Variants in AKAP6 observed in about 807,000 individuals in gnomAD.
AKAP6 encodes the protein A-kinase anchoring protein 6.
Under a neutral mutation model 188.5 loss-of-function variants are expected in AKAP6, and 58 were observed. The observed-to-expected ratio is 0.31, with a 90% confidence interval of 0.25 to 0.38. The LOEUF is 0.38. Ranked by LOEUF, AKAP6 falls within the 10% of genes least tolerant of loss-of-function variation. The pLI is 1.00. For missense variants in AKAP6, 2,710 were observed against 2,740.0 expected, an observed-to-expected ratio of 0.99 and a Z score of 0.24; for synonymous variants, 989 against 998.6, an observed-to-expected ratio of 0.99 and a Z score of 0.18.
chr14:32,524,970 A>G (rs993748814), intron 2 of AKAP6, among the ~76,000 whole-genome samples: 3 of 152,180 alleles, frequency 2.0e-5, no homozygotes, highest in African/African-American at 7.2e-5. Context: ...CAAGGTAAGA[A>G]CCACCACTGT....
At chr14:32,718,837 T>G (rs1281112329) in intron 9 of AKAP6, among the ~76,000 whole-genome samples, 1 of 152,184 alleles carries the variant, frequency 6.6e-6, no homozygotes, top group Admixed American at 6.5e-5. Context: ...TGGACTTTCT[T>G]TTGGGAGAAA....
chr14:32,719,162 C>CA (rs3837677), intron 9 of AKAP6, among the ~76,000 whole-genome samples: 7 of 150,416 alleles, frequency 4.7e-5, no homozygotes, highest in Admixed American at 4.0e-4. Flanking sequence ...AATACTCTGC[C>CA]AAAAAAAAAG....
intron 11 of AKAP6, among the ~76,000 whole-genome samples, chr14:32,744,469 A>G (rs903563190): frequency 6.6e-6 from 1 of 152,016 alleles, no homozygotes; most frequent in Admixed American, 6.6e-5. Context: ...GGCACCCGCC[A>G]CCACACCCAG....
chr14:32,585,829 G>A (rs1378142295), intron 5 of AKAP6, among the ~76,000 whole-genome samples: 2 of 152,056 alleles, frequency 1.3e-5, no homozygotes, highest in Non-Finnish European at 2.9e-5. Flanking sequence ...ATGGGAGATG[G>A]GAGGAAAATT....
chr14:32,572,671 A>G (rs1009783309), intron 4 of AKAP6, among the ~76,000 whole-genome samples: 3 of 152,238 alleles, frequency 2.0e-5, no homozygotes, highest in African/African-American at 7.2e-5. Context: ...TGTGAAAATC[A>G]TCTTCAAGTG....
intron 2 of AKAP6, among the ~76,000 whole-genome samples, chr14:32,447,130 C>T (rs943753316): frequency 3.9e-5 from 6 of 152,186 alleles, no homozygotes; most frequent in African/African-American, 4.8e-5. Context: ...CAACTCGTCT[C>T]TCTACTTAAA....
intron 7 of AKAP6, among the ~76,000 whole-genome samples, chr14:32,661,609 G>A (rs141041114): frequency 7.9e-5 from 12 of 152,046 alleles, no homozygotes; most frequent in Admixed American, 2.0e-4. Context: ...GCCATACCCC[G>A]GCTCTTTTAG....
intron 8 of AKAP6, among the ~76,000 whole-genome samples, chr14:32,680,165 T>G (rs1889614260): frequency 6.6e-6 from 1 of 152,168 alleles, no homozygotes; most frequent in Non-Finnish European, 1.5e-5. Context: ...GTAGGTGAAC[T>G]TGCCTGATAT....
rs1258626195 is a variant in AKAP6 at position 32,834,484 on chromosome 14, T to G, written c.*4679T>G. 1 of 151,920 alleles carries G rather than the reference T, an allele frequency of 6.6e-6. No homozygotes were observed. 9.4% of individuals were successfully genotyped at this position (151,920 alleles called of 1,614,324 possible). ...ATGTCCTCTTATAGTTGTTTTTGTT[T>G]TAATACAGTATTCAAACAAAGATCA... On this transcript the variant is annotated 3_prime_UTR_variant, in exon 14 of 14. Coordinates refer to ENST00000280979, the MANE Select transcript of AKAP6 (RefSeq NM_004274.5).
intron 2 of AKAP6, among the ~76,000 whole-genome samples, chr14:32,454,096 G>A (rs1891039232): frequency 6.6e-6 from 1 of 152,072 alleles, no homozygotes. Context: ...AGTTATGCAG[G>A]AGATTTCAGT....
chr14:32,774,471 T>C (rs1182978357), intron 12 of AKAP6, among the ~76,000 whole-genome samples: 4 of 152,224 alleles, frequency 2.6e-5, no homozygotes, highest in African/African-American at 9.6e-5. Flanking sequence ...AGTTTCCTCT[T>C]AGAGTTTTAA....
At chr14:32,639,001 C>T (rs1268973146) in intron 7 of AKAP6, among the ~76,000 whole-genome samples, 2 of 152,024 alleles carry the variant, frequency 1.3e-5, no homozygotes, top group Non-Finnish European at 2.9e-5. Context: ...ATAGCAATAA[C>T]ACTTCCTAAA....
rs539563610 is a variant in AKAP6, at chr14:32,826,088, AT to A, written c.*42+1282del. ...TGAAAGATGAATGGCAAACATCATT[AT>A]TTTTTTTTCCTGCAACACCTGTGCC... On this transcript the variant is annotated intron_variant, in intron 13 of 13. Coordinates refer to ENST00000280979, the MANE Select transcript of AKAP6 (RefSeq NM_004274.5). Among the ~76,000 whole-genome samples, 269 of 151,412 alleles carry A rather than the reference AT, an allele frequency of 1.8e-3. 1 individual carries two copies. The highest frequency in any genetic ancestry group is 6.0e-3 in the African/African-American group (246 of 41,334).
chr14:32,577,506 T>G (rs1354097021), intron 5 of AKAP6, among the ~76,000 whole-genome samples: 6 of 152,112 alleles, frequency 3.9e-5, no homozygotes, highest in Admixed American at 2.6e-4. Flanking sequence ...AAAATTTTAT[T>G]AGACCCTTGT....
chr14:32,487,898 C>T (rs961585510), intron 2 of AKAP6, among the ~76,000 whole-genome samples: 1 of 152,218 alleles, frequency 6.6e-6, no homozygotes, highest in Admixed American at 6.5e-5. Flanking sequence ...TTGCTGCCTG[C>T]TCCTTCCTCT....
chr14:32,428,559 A>T (rs1193574398), intron 1 of AKAP6, among the ~76,000 whole-genome samples: 1 of 152,100 alleles, frequency 6.6e-6, no homozygotes, highest in East Asian at 1.9e-4. Flanking sequence ...GGAAAAAACC[A>T]TTTACAGTGA....
At chr14:32,826,577 C>T (rs1003153965) in intron 13 of AKAP6, among the ~76,000 whole-genome samples, 2 of 152,194 alleles carry the variant, frequency 1.3e-5, no homozygotes, top group Admixed American at 6.5e-5. Context: ...GACTGTGACC[C>T]TCAAGTCACC....
chr14:32,453,917 A>C (rs1891034483), intron 2 of AKAP6, among the ~76,000 whole-genome samples: 1 of 152,222 alleles, frequency 6.6e-6, no homozygotes, highest in Admixed American at 6.5e-5. Flanking sequence ...AAGCCAAATT[A>C]GAAATAAAAT....
chr14:32,616,132 G>A (rs1886569612), intron 7 of AKAP6, among the ~76,000 whole-genome samples: 1 of 152,128 alleles, frequency 6.6e-6, no homozygotes, highest in Admixed American at 6.5e-5. Flanking sequence ...AGATAAAAAG[G>A]AATACTTATA....
Sources: allele counts gnomAD v4.1 joint callset (sites outside exome capture counted in the v4.1 genomes callset), GRCh38; gene constraint gnomAD v4.1.1; transcripts MANE v1.5; gene names NCBI Gene and HGNC (gene_info 2026-07-23, HGNC 2026-07-21).